The following NAALADL2 variants were observed in gnomAD, a reference collection of about 807,000 sequenced individuals.
NAALADL2 encodes inactive N-acetylated-alpha-linked acidic dipeptidase-like protein 2.
Under a neutral mutation model 87.2 loss-of-function variants are expected in NAALADL2, and 76 were observed. The ratio of observed to expected loss-of-function variants is 0.87; its 90% CI spans 0.72 to 1.05. The LOEUF (loss-of-function observed/expected upper bound fraction) is 1.05. Among genes scored for constraint, NAALADL2 ranks in the 50% least tolerant of loss-of-function variants. The pLI is 0.00. For synonymous variants in NAALADL2, 354 were observed against 331.0 expected, an observed-to-expected ratio of 1.07 and a Z score of -0.75; for missense variants, 1,089 against 945.8, an observed-to-expected ratio of 1.15 and a Z score of -1.99.
Position 175,097,155 on chromosome 3 carries a change from A to G in NAALADL2, c.409A>G (p.Ile137Val). 5.0e-6 allele frequency: 8 copies of G among 1,613,760 alleles called. No individual in the cohort carries two copies. Among genetic ancestry groups the G allele is most frequent in the Non-Finnish European group, 6.8e-6 (8 of 1,179,726 alleles). The change falls in exon 2 of 14, where the codon ATT (isoleucine) becomes GTT (valine). Residue 137 changes from isoleucine to valine, a missense_variant. Coordinates refer to ENST00000454872, the MANE Select transcript of NAALADL2 (RefSeq NM_207015.3). ...KILCTATILF[I>V]FGILIGYYVH... Reference sequence around the variant, plus strand: ...ACTTTGCACAGCCACCATTTTATTTATTTTTGGGATTTTGATAGGTTATTA... The same window carrying G: ...ACTTTGCACAGCCACCATTTTATTTGTTTTTGGGATTTTGATAGGTTATTA...
intron 6 of NAALADL2, among the ~76,000 whole-genome samples, chr3:175,448,064 A>G (rs1368448733): frequency 6.6e-6 from 1 of 152,218 alleles, no homozygotes; most frequent in Admixed American, 6.5e-5. Context: ...CTCTGGGTTC[A>G]ATAGTCATGT....
chr3:175,424,654 G>A (rs1200800068), intron 5 of NAALADL2, among the ~76,000 whole-genome samples: 2 of 152,012 alleles, frequency 1.3e-5, no homozygotes, highest in Non-Finnish European at 2.9e-5. Context: ...TCTCTGTTTT[G>A]GTACCAGTAC....
intron 2 of NAALADL2, among the ~76,000 whole-genome samples, chr3:175,142,864 A>G (rs6767653): frequency 0.097 from 14,807 of 152,058 alleles, 2,075 homozygotes; most frequent in African/African-American, 0.31. Context: ...TGTCATTAGT[A>G]TATCTTTTCA....
At chr3:175,320,831 G>A (rs1044179300) in intron 4 of NAALADL2, among the ~76,000 whole-genome samples, 5 of 151,264 alleles carry the variant, frequency 3.3e-5, no homozygotes, top group East Asian at 2.0e-4. Context: ...AGCTGAAATT[G>A]TGGCAATAAT....
At chr3:174,501,751 T>G (rs1718910258) in intron 1 of NAALADL2, among the ~76,000 whole-genome samples, 1 of 152,106 alleles carries the variant, frequency 6.6e-6, no homozygotes, top group South Asian at 2.1e-4. Flanking sequence ...GCCTTATTTC[T>G]GATTTCTTAT....
intron 3 of NAALADL2, among the ~76,000 whole-genome samples, chr3:174,852,430 T>C (rs1725354318): frequency 6.6e-6 from 1 of 151,918 alleles, no homozygotes; most frequent in Admixed American, 6.6e-5. Flanking sequence ...CAATAAACTA[T>C]CTAAAAAGAA....
intron 3 of NAALADL2, among the ~76,000 whole-genome samples, chr3:174,838,705 C>A (rs1166071009): frequency 7.9e-5 from 12 of 152,018 alleles, no homozygotes; most frequent in Admixed American, 6.6e-4. Flanking sequence ...CAATAGCGAC[C>A]AATTGGAGAA....
At chr3:175,142,831 A>G (rs1045736568) in intron 2 of NAALADL2, among the ~76,000 whole-genome samples, 1 of 152,010 alleles carries the variant, frequency 6.6e-6, no homozygotes, top group East Asian at 1.9e-4. Flanking sequence ...GTCAAACTCT[A>G]TTTGAAGAGG....
chr3:175,639,445 C>T (rs1560896887), intron 11 of NAALADL2, among the ~76,000 whole-genome samples: 3 of 151,280 alleles, frequency 2.0e-5, no homozygotes, highest in South Asian at 4.2e-4. Flanking sequence ...CTCAGTCTCC[C>T]GAGTAGCTGG....
intron 11 of NAALADL2, among the ~76,000 whole-genome samples, chr3:175,657,579 G>GT (rs368302045): frequency 0.02 from 2,842 of 141,038 alleles, 61 homozygotes; most frequent in African/African-American, 0.052. Context: ...TCATTTTACT[G>GT]TTTTTTTTTT....
intron 1 of NAALADL2, among the ~76,000 whole-genome samples, chr3:175,077,669 C>G (rs1218950051): frequency 1.3e-5 from 2 of 152,046 alleles, no homozygotes; most frequent in Non-Finnish European, 2.9e-5. Context: ...CATAAATATA[C>G]TATAAATGGC....
chr3:175,793,351 T>C (rs6443319), intron 13 of NAALADL2, among the ~76,000 whole-genome samples: 91,462 of 147,294 alleles, frequency 0.62, 30,421 homozygotes, highest in African/African-American at 0.87. Context: ...CTCTGTCGCC[T>C]GGGCTGGAGT....
chr3:175,439,800 C>T (rs1321958590), intron 5 of NAALADL2, among the ~76,000 whole-genome samples: 1 of 137,352 alleles, frequency 7.3e-6, no homozygotes. Context: ...TTTGTTAGAT[C>T]TATAGATTGC....
intron 2 of NAALADL2, among the ~76,000 whole-genome samples, chr3:175,154,813 T>C (rs1732058110): frequency 6.6e-6 from 1 of 152,164 alleles, no homozygotes; most frequent in Non-Finnish European, 1.5e-5. Context: ...GAGCAAAATC[T>C]CAAATGTCTA....
chr3:175,366,964 G>C (rs1375100968), intron 5 of NAALADL2, among the ~76,000 whole-genome samples: 1 of 151,526 alleles, frequency 6.6e-6, no homozygotes, highest in Non-Finnish European at 1.5e-5. Flanking sequence ...TAATGCCTAG[G>C]TTTTCTTCTA....
chr3:175,780,039 T>C (rs548077839), intron 13 of NAALADL2, among the ~76,000 whole-genome samples: 5 of 150,902 alleles, frequency 3.3e-5, no homozygotes, highest in South Asian at 4.2e-4. Context: ...GAGGCCGAGG[T>C]GGGCAGATCA....
intron 11 of NAALADL2, chr3:175,655,440 C>A: frequency 6.1e-6 from 2 of 326,986 alleles, no homozygotes; most frequent in Non-Finnish European, 6.0e-6. Flanking sequence ...CCAAACAATG[C>A]GTTATTATTA....
At chr3:174,716,608 A>G (rs1316724922) in intron 2 of NAALADL2, among the ~76,000 whole-genome samples, 1 of 152,034 alleles carries the variant, frequency 6.6e-6, no homozygotes, top group Non-Finnish European at 1.5e-5. Flanking sequence ...TTTCCACCTT[A>G]GGGCTTTACA....
At chr3:175,490,374 GT>G (rs1727883308) in intron 9 of NAALADL2, among the ~76,000 whole-genome samples, 1 of 151,530 alleles carries the variant, frequency 6.6e-6, no homozygotes, top group Non-Finnish European at 1.5e-5. Flanking sequence ...GTATCTATTT[GT>G]TTTTTTGTTG....
Sources: gnomAD v4.1 joint callset for allele counts (sites outside exome capture counted in the v4.1 genomes callset) on GRCh38, gnomAD v4.1.1 for gene constraint, MANE v1.5 for transcripts, NCBI Gene and HGNC (gene_info 2026-07-23, HGNC 2026-07-21) for gene names.